TEAD1: variants seen among roughly 807,000 people sequenced by gnomAD.
The protein encoded by TEAD1 is TEA domain transcription factor 1.
TEAD1 carries 9 observed loss-of-function variants against 54.9 expected under a neutral mutation model. The observed-to-expected ratio is 0.16, with a 90% CI of 0.10 to 0.29. TEAD1 has a LOEUF of 0.29. Among genes scored for constraint, TEAD1 ranks in the 10% least tolerant of loss-of-function variants. The pLI is 1.00. For synonymous variants in TEAD1, 200 were observed against 187.8 expected (o/e 1.07, Z -0.53); for missense variants, 387 against 535.9 (o/e 0.72, Z 2.74).
intron 9 of TEAD1, among the ~76,000 whole-genome samples, chr11:12,900,978 A>T (rs1317806198): frequency 6.6e-6 from 1 of 152,200 alleles, no homozygotes; most frequent in Admixed American, 6.5e-5. Context: ...AAGAGTCTGG[A>T]GTATAACGTC....
intron 11 of TEAD1, among the ~76,000 whole-genome samples, chr11:12,928,480 C>T (rs535960440): frequency 2.0e-5 from 3 of 151,956 alleles, no homozygotes; most frequent in East Asian, 3.9e-4. Context: ...AATGTGGTTT[C>T]GCTGGTCTGA....
At chr11:12,921,943 G>T (rs1016305606) in intron 10 of TEAD1, among the ~76,000 whole-genome samples, 1 of 152,058 alleles carries the variant, frequency 6.6e-6, no homozygotes, top group Admixed American at 6.5e-5. Context: ...ATTTTTGTTT[G>T]TTTATGATTT....
chr11:12,780,770 G>T (rs1437018830), intron 3 of TEAD1, among the ~76,000 whole-genome samples: 1 of 152,152 alleles, frequency 6.6e-6, no homozygotes, highest in Admixed American at 6.6e-5. Context: ...TGCTAAGACA[G>T]CAGTACCTAC....
chr11:12,685,924 C>G (rs1324444466), intron 2 of TEAD1, among the ~76,000 whole-genome samples: 2 of 152,170 alleles, frequency 1.3e-5, no homozygotes, highest in Non-Finnish European at 2.9e-5. Context: ...AAGTTTCAGG[C>G]TCTGCTCTAC....
intron 2 of TEAD1, among the ~76,000 whole-genome samples, chr11:12,719,074 G>A (rs77554697): frequency 6.6e-6 from 1 of 151,890 alleles, no homozygotes; most frequent in African/African-American, 2.4e-5. Context: ...ATTCCCAGGG[G>A]TTGGGAAGCT....
chr11:12,700,056 G>A (rs1248932447), intron 2 of TEAD1, among the ~76,000 whole-genome samples: 1 of 152,136 alleles, frequency 6.6e-6, no homozygotes, highest in East Asian at 1.9e-4. Flanking sequence ...CCACAACTTT[G>A]ATTCAACAGC....
In TEAD1 at chr11:12,864,895, C is replaced by T; in HGVS notation, c.325C>T (p.Leu109=). The change falls in exon 5 of 13, where the codon CTA becomes TTA. Residue 109 remains leucine, a synonymous_variant. Transcript: ENST00000527636. ...GAAATCTCGTGATTTTCATTCCAAG[C>T]TAAAGGTATGCGCTTTTCTGCTTTT... The T allele has an allele frequency of 1.2e-6, 2 of 1,614,120 alleles. No individual in the cohort carries two copies. Among genetic ancestry groups the T allele is most frequent in the Non-Finnish European group, 1.7e-6 (2 of 1,180,036 alleles).
intron 3 of TEAD1, among the ~76,000 whole-genome samples, chr11:12,814,392 A>G (rs574334571): frequency 6.6e-6 from 1 of 152,234 alleles, no homozygotes; most frequent in Admixed American, 6.5e-5. Context: ...GGCCTTTGGC[A>G]GCGCTGAAGG....
intron 3 of TEAD1, among the ~76,000 whole-genome samples, chr11:12,847,633 AT>A (rs1193332916): frequency 6.6e-6 from 1 of 152,152 alleles, no homozygotes; most frequent in Non-Finnish European, 1.5e-5. Flanking sequence ...TAACGTTTTA[AT>A]TTTTTACGGA....
intron 10 of TEAD1, among the ~76,000 whole-genome samples, chr11:12,905,771 A>G (rs1409188833): frequency 6.6e-6 from 1 of 152,162 alleles, no homozygotes; most frequent in Non-Finnish European, 1.5e-5. Flanking sequence ...TAAAGTCTCT[A>G]GGCTGTCAGT....
chr11:12,907,431 T>A (rs1163686861), intron 10 of TEAD1, among the ~76,000 whole-genome samples: 2 of 152,240 alleles, frequency 1.3e-5, no homozygotes, highest in African/African-American at 4.8e-5. Flanking sequence ...TTACAGAGAC[T>A]CTGCATTTTG....
chr11:12,763,454 G>C (rs183256708), intron 2 of TEAD1, among the ~76,000 whole-genome samples: 78 of 152,366 alleles, frequency 5.1e-4, no homozygotes, highest in African/African-American at 1.9e-3. Context: ...TCTAGGAGCT[G>C]AGAGTGGCAA....
chr11:12,834,142 A>G (rs1946835833), intron 3 of TEAD1, among the ~76,000 whole-genome samples: 1 of 152,240 alleles, frequency 6.6e-6, no homozygotes, highest in Non-Finnish European at 1.5e-5. Context: ...GCCCTGGGGA[A>G]TAATTATAAT....
At chr11:12,781,622 A>G (rs972838703) in intron 3 of TEAD1, among the ~76,000 whole-genome samples, 2 of 148,950 alleles carry the variant, frequency 1.3e-5, no homozygotes, top group African/African-American at 2.5e-5. Flanking sequence ...ATATCACTTT[A>G]TATCTCTTAG....
chr11:12,706,817 G>A (rs1367330417), intron 2 of TEAD1, among the ~76,000 whole-genome samples: 1 of 152,192 alleles, frequency 6.6e-6, no homozygotes, highest in Non-Finnish European at 1.5e-5. Flanking sequence ...AGCTTGGGCA[G>A]TGGGGGTGAT....
chr11:12,675,717 TTTC>T (rs1943070272), intron 2 of TEAD1, among the ~76,000 whole-genome samples, 156 bp downstream of exon 2: 2 of 152,348 alleles, frequency 1.3e-5, no homozygotes, highest in Non-Finnish European at 2.9e-5. Flanking sequence ...TTCTGTGACT[TTTC>T]TTCTTTTTAA....
intron 3 of TEAD1, among the ~76,000 whole-genome samples, chr11:12,774,323 T>G (rs1419328877): frequency 2.0e-5 from 3 of 152,180 alleles, no homozygotes; most frequent in Non-Finnish European, 4.4e-5. Context: ...GTGACTTGAT[T>G]AATCACTTAG....
chr11:12,858,447 G>A (rs1274909243), intron 3 of TEAD1, among the ~76,000 whole-genome samples: 1 of 152,172 alleles, frequency 6.6e-6, no homozygotes, highest in Non-Finnish European at 1.5e-5. Context: ...AATGTACAAT[G>A]AAGTAGCTCA....
intron 2 of TEAD1, among the ~76,000 whole-genome samples, chr11:12,739,193 A>ATTCT (rs1216358805): frequency 2.5e-4 from 37 of 147,444 alleles, no homozygotes; most frequent in South Asian, 6.7e-4. Flanking sequence ...TTGAGGTCTC[A>ATTCT]TTCTTTCTAT....
Sources: allele counts gnomAD v4.1 joint callset (sites outside exome capture counted in the v4.1 genomes callset), GRCh38; gene constraint gnomAD v4.1.1; transcripts MANE v1.5; gene names NCBI Gene and HGNC (gene_info 2026-07-23, HGNC 2026-07-21).